ITGA5: variants seen among roughly 807,000 people sequenced by gnomAD.
ITGA5 encodes the protein integrin alpha-5.
A neutral mutation model predicts 146.3 loss-of-function variants in ITGA5; 55 were observed. The ratio of observed to expected loss-of-function variants is 0.38; its 90% confidence interval spans 0.30 to 0.47. The LOEUF (loss-of-function observed/expected upper bound fraction) is 0.47. ITGA5 is among the 20% of genes least tolerant of loss of function. The pLI is 0.99. For missense variants in ITGA5, 1,131 were observed against 1,329.0 expected (o/e 0.85, Z 2.32); for synonymous variants, 500 against 531.8 (o/e 0.94, Z 0.82).
Position 54,404,709 on chromosome 12 carries a change from A to C in ITGA5, c.1411T>G (p.Tyr471Asp). ...RGGRDLDGNG[Y>D]PDLIVGSFGV... The stretch of plus-strand genomic sequence containing the variant: ...GGCCTCAGGCACAACTCACCAGGAT[A>C]TCCATTGCCATCCAGGTCTCGGCCT... The change falls in exon 13 of 30, where the codon TAT becomes GAT. Residue 471 changes from tyrosine to aspartate, a missense_variant. Tyr to Asp is a radical substitution (Grantham distance 160). Coordinates refer to ENST00000293379, the MANE Select transcript of ITGA5 (RefSeq NM_002205.5). 1 of 1,612,708 alleles carries C rather than the reference A, an allele frequency of 6.2e-7. No homozygotes were observed. Among genetic ancestry groups the C allele is most frequent in the South Asian group, 1.1e-5 (1 of 91,038 alleles).
chr12:54,405,713 C>T lies in ITGA5; in HGVS notation c.967G>A (p.Ala323Thr). 2 of 1,613,954 alleles carry T rather than the reference C, an allele frequency of 1.2e-6. No homozygotes were observed. Among genetic ancestry groups the T allele is most frequent in the East Asian group, 2.2e-5 (1 of 44,882 alleles). Residue 323 changes from alanine to threonine, a missense_variant, in exon 11 of 30, where the codon GCC becomes ACC. Around this residue, in one of 3 missense-constraint regions of ITGA5, gnomAD observed 889 missense variants for 1,021.5 expected, o/e 0.87. Coordinates refer to ENST00000293379, the MANE Select transcript of ITGA5 (RefSeq NM_002205.5). The stretch of plus-strand genomic sequence containing the variant: ...GCCACTGCATAGCCAAAGTAGGAGG[C>T]CATCTGGGGAGGACAAAGGGGCAGC... ...SLYNFSGEQM[A>T]SYFGYAVAAT...
intron 12 of ITGA5, 108 bp downstream of exon 12, chr12:54,405,058 G>A: frequency 1.6e-6 from 2 of 1,234,082 alleles, no homozygotes; most frequent in Non-Finnish European, 2.3e-6. Flanking sequence ...TAACCCCTCG[G>A]GAAGTCGTGG....
chr12:54,398,435 C>T (rs1955741438), intron 28 of ITGA5, among the ~76,000 whole-genome samples, 162 bp downstream of exon 28: 2 of 152,208 alleles, frequency 1.3e-5, no homozygotes, highest in African/African-American at 4.8e-5. Context: ...CCATGTTGAT[C>T]TTGCTTACCA....
At position 54,416,303 on chromosome 12, in the gene ITGA5, C is replaced by T. The variant is rs978265963; in HGVS notation, c.218+2678G>A. Among the ~76,000 whole-genome samples, 2 of 152,196 alleles carry T rather than the reference C, an allele frequency of 1.3e-5. No individual in the cohort carries two copies. The highest frequency in any genetic ancestry group is 2.4e-5 in the African/African-American group (1 of 41,448). On this transcript the variant is annotated intron_variant, in intron 1 of 29. Transcript: ENST00000293379. This position sits in a 1 kb window ranked among gnomAD's most constrained non-coding sequence, Gnocchi z 4.1. Reference sequence around the variant, plus strand: ...CAGGCTGGTCTCGAACTCCTGACCTCAGGTGATCCACCCACCTCCGCCTCC... The same window carrying T: ...CAGGCTGGTCTCGAACTCCTGACCTTAGGTGATCCACCCACCTCCGCCTCC...
chr12:54,415,004 T>C (rs1274566869), intron 1 of ITGA5, among the ~76,000 whole-genome samples: 1 of 149,972 alleles, frequency 6.7e-6, no homozygotes, highest in Non-Finnish European at 1.5e-5. Flanking sequence ...CAAAATTAGC[T>C]GGGCGTGGTG....
rs1955898869 is a variant in ITGA5 at position 54,408,645 on chromosome 12, G to A, written c.691+111C>T. 5 of 979,854 alleles carry A rather than the reference G, an allele frequency of 5.1e-6. No homozygotes were observed. The East Asian group carries it at 7.8e-5, about 15-fold the overall frequency. The allele number at this position is 979,854 out of a possible 1,614,324, so 60.7% of individuals were successfully genotyped here. A position where few individuals can be genotyped will look rare whatever the true frequency, so the allele number is the denominator to read the frequency against. ...GGAGGCTGAGGCAGGAGAATCGCTTGAACCTGGGCAGCAGAGGTTGTGCCA... is the reference window on the plus strand; with the variant it reads ...GGAGGCTGAGGCAGGAGAATCGCTTAAACCTGGGCAGCAGAGGTTGTGCCA... On this transcript the variant is annotated intron_variant, in intron 6 of 29. Coordinates refer to ENST00000293379, the MANE Select transcript of ITGA5 (RefSeq NM_002205.5).
chr12:54,406,149 G>A lies in ITGA5; in HGVS notation c.907-223C>T, dbSNP rs1955863650. ...TTCTCCCTATCAATCACCAACCACT[G>A]ACAGATTTTGTATTTATCTGTTCGT... On this transcript the variant is annotated intron_variant, in intron 9 of 29. Coordinates refer to ENST00000293379, the MANE Select transcript of ITGA5 (RefSeq NM_002205.5). 3 of 591,692 alleles carry A rather than the reference G, an allele frequency of 5.1e-6. No homozygotes were observed. In the South Asian group the frequency reaches 6.0e-5, roughly 12 times the overall value. 36.7% of individuals were successfully genotyped at this position (591,692 alleles called of 1,614,324 possible).
At chr12:54,418,909 A>G in intron 1 of ITGA5, 72 bp downstream of exon 1, 1 of 1,540,666 alleles carries the variant, frequency 6.5e-7, no homozygotes, top group Non-Finnish European at 8.9e-7. Context: ...GGTCCCCTCC[A>G]GACCCCAGCC....
chr12:54,397,300 C>T (rs1955723320), intron 29 of ITGA5, 65 bp downstream of exon 29: 1 of 1,593,092 alleles, frequency 6.3e-7, no homozygotes, highest in Non-Finnish European at 8.6e-7. Context: ...ATACTTGGGA[C>T]TGTGCCAGGT....
At chr12:54,411,535 A>G (rs754568727) in intron 2 of ITGA5, among the ~76,000 whole-genome samples, 34 of 152,356 alleles carry the variant, frequency 2.2e-4, no homozygotes, top group Admixed American at 2.6e-4. Flanking sequence ...TAGTTTGTGC[A>G]ACATTCCCTG....
At chr12:54,405,464 T>G (rs1955853941) in intron 11 of ITGA5, 90 bp from the exon 12 acceptor site, 2 of 1,159,216 alleles carry the variant, frequency 1.7e-6, no homozygotes, top group African/African-American at 3.1e-5. Context: ...CACTCTGAAT[T>G]CCATCACGTC....
chr12:54,409,630 G>A lies in ITGA5; in HGVS notation c.350-33C>T, dbSNP rs1192503308. ...AAGTGAGAAGGGGGAGTCTTACTGA[G>A]CCATGGACATTTGAGCTCTAGGGCA... On this transcript the variant is annotated intron_variant, in intron 2 of 29. Transcript: ENST00000293379. The surrounding 1 kb of genome is among the most constrained non-coding windows in gnomAD (Gnocchi z 4.7). 1 of 1,478,742 alleles carries A rather than the reference G, an allele frequency of 6.8e-7. No homozygotes were observed. Among genetic ancestry groups the A allele is most frequent in the South Asian group, 1.1e-5 (1 of 87,538 alleles). The allele number at this position is 1,478,742 out of a possible 1,614,324, so 91.6% of individuals were successfully genotyped here.
Position 54,399,751 on chromosome 12 carries a change from G to C in ITGA5, c.2735C>G (p.Pro912Arg). ...ASSGPQILKC[P>R]EAECFRLRCE... ...GCGCAGCCTGAAACACTCAGCCTCC[G>C]GGCATTTCTAGGAAGAAAGAAGCTT... The change falls in exon 27 of 30, where the codon CCG becomes CGG. Residue 912 changes from proline (P) to arginine (R), a missense_variant. This residue lies in a region of ITGA5 where 889 missense variants were observed against 1,021.5 expected (regional missense o/e 0.87). Transcript: ENST00000293379. The C allele has an allele frequency of 6.2e-7, 1 of 1,614,066 alleles. No individual in the cohort carries two copies. The highest frequency in any genetic ancestry group is 1.3e-5 in the African/African-American group (1 of 75,046).
rs758410526 is a variant in ITGA5, at chr12:54,407,616, G to A, written c.906+33C>T. 1.4e-5 allele frequency: 22 copies of A among 1,583,612 alleles called. No homozygotes were observed. In the South Asian group the frequency reaches 2.4e-4, roughly 18 times the overall value. On this transcript the variant is annotated intron_variant, in intron 9 of 29. Coordinates refer to ENST00000293379, the MANE Select transcript of ITGA5 (RefSeq NM_002205.5). ...CGGTTCTTTGTGATTAGGCAGGGGA[G>A]GAGAGGAAGTGAGGGGTCAGGCTGG... is the stretch of plus-strand genomic sequence containing the variant.
In ITGA5 at chr12:54,403,114, C is replaced by T. The variant is rs1187316330; in HGVS notation, c.1915-64G>A. ...CCATTCCTGGGCTGTAGGCTCTTCT[C>T]TTTCCATGGCCCTGCCCCCCCAATA... On this transcript the variant is annotated intron_variant, in intron 18 of 29. Transcript: ENST00000293379. The surrounding 1 kb of genome is among the most constrained non-coding windows in gnomAD (Gnocchi z 4.9). 3 of 1,606,998 alleles carry T rather than the reference C, an allele frequency of 1.9e-6. No individual in the cohort carries two copies. Among genetic ancestry groups the T allele is most frequent in the Non-Finnish European group, 2.6e-6 (3 of 1,176,330 alleles).
At chr12:54,418,446 G>A (rs2120591598) in intron 1 of ITGA5, among the ~76,000 whole-genome samples, 1 of 152,132 alleles carries the variant, frequency 6.6e-6, no homozygotes. Flanking sequence ...AGGGGAGGAT[G>A]AGGCTGGCCC....
Position 54,402,004 on chromosome 12 carries a change from G to A in ITGA5, c.2223C>T (p.Ala741=). ...CDLGNPMKAG[A]SLWGGLRFTV... ...TCCTCTTTCATCCCAAACTTACACT[G>A]GCTCCTGCCTTCATGGGGTTGCCCA... The change falls in exon 21 of 30, where the codon GCC becomes GCT. Residue 741 remains alanine (A), a synonymous_variant. Transcript: ENST00000293379. 10 of 1,614,098 alleles carry A rather than the reference G, an allele frequency of 6.2e-6. No individual in the cohort carries two copies. The highest frequency in any genetic ancestry group is 5.1e-6 in the Non-Finnish European group (6 of 1,179,970).
chr12:54,408,649 C>G, intron 6 of ITGA5, 107 bp downstream of exon 6: 1 of 1,014,012 alleles, frequency 9.9e-7, no homozygotes, highest in Non-Finnish European at 1.4e-6. Flanking sequence ...TCGCTTGAAC[C>G]TGGGCAGCAG....
At chr12:54,417,472 G>A (rs1956020900) in intron 1 of ITGA5, among the ~76,000 whole-genome samples, 1 of 128,778 alleles carries the variant, frequency 7.8e-6, no homozygotes, top group Non-Finnish European at 1.6e-5. Context: ...TGGGCAAAAG[G>A]CCAGGGGGGT....
Sources: allele counts gnomAD v4.1 joint callset (sites outside exome capture counted in the v4.1 genomes callset), GRCh38; gene constraint gnomAD v4.1.1; regional missense constraint gnomAD v4.1.1; non-coding constraint Gnocchi (gnomAD v3.1); transcripts MANE v1.5; gene names NCBI Gene and HGNC (gene_info 2026-07-23, HGNC 2026-07-21).